Variants in DNMBP observed in about 807,000 individuals in gnomAD.
DNMBP encodes the protein dynamin-binding protein.
In DNMBP, 87 loss-of-function variants were observed where a neutral mutation model predicts 150.0. The observed-to-expected ratio is 0.58, with a 90% CI of 0.49 to 0.69. DNMBP has a LOEUF of 0.69. Ranked by LOEUF, DNMBP falls within the 30% of genes least tolerant of loss-of-function variation. The pLI is 0.00. For synonymous variants in DNMBP, 711 were observed against 750.4 expected, an observed-to-expected ratio of 0.95 and a Z score of 0.86; for missense variants, 1,774 against 1,949.0, an observed-to-expected ratio of 0.91 and a Z score of 1.69.
At chr10:99,880,869 A>T (rs758920473) in intron 15 of DNMBP, among the ~76,000 whole-genome samples, 53 of 152,130 alleles carry the variant, frequency 3.5e-4, no homozygotes, top group Non-Finnish European at 3.4e-4. Context: ...GGAAGCTGAG[A>T]TGAGAGGATT....
chr10:99,895,521 G>C (rs549908517), intron 10 of DNMBP, among the ~76,000 whole-genome samples: 1 of 152,178 alleles, frequency 6.6e-6, no homozygotes, highest in African/African-American at 2.4e-5. Context: ...CCTGCATGTG[G>C]TTTCAAAAGA....
In DNMBP at chr10:99,956,429, G is replaced by T. The variant is rs2040496941; in HGVS notation, c.1045C>A (p.Pro349Thr). Residue 349 changes from proline to threonine, a missense_variant, in exon 4 of 17, where the codon CCT (proline) becomes ACT (threonine). Physicochemically the swap from Pro to Thr is conservative, Grantham distance 38. Coordinates refer to ENST00000324109, the MANE Select transcript of DNMBP (RefSeq NM_015221.4). Reference protein sequence around the residue: ...HETSDHEAEEPDCIISEAPTS... With the variant: ...HETSDHEAEETDCIISEAPTS... ...GGTGCTTCAGAAATAATGCAGTCAG[G>T]CTCCTCGGCCTCATGGTCACTGGTT... 6.2e-7 allele frequency: 1 copy of T among 1,613,880 alleles called. No homozygotes were observed. Among genetic ancestry groups the T allele is most frequent in the Non-Finnish European group, 8.5e-7 (1 of 1,180,002 alleles).
chr10:99,906,598 T>G (rs2039828662), intron 6 of DNMBP, among the ~76,000 whole-genome samples: 1 of 152,110 alleles, frequency 6.6e-6, no homozygotes. Context: ...TGTCTCTCGC[T>G]CTCTCTCACA....
Position 99,915,191 on chromosome 10 carries a change from A to C in DNMBP, c.2261-6045T>G, listed in dbSNP as rs541997040. Reference sequence around the variant, plus strand: ...TACACATATATACATCTACACACATATACACACATATACATATATACATAC... The same window carrying C: ...TACACATATATACATCTACACACATCTACACACATATACATATATACATAC... On this transcript the variant is annotated intron_variant, in intron 4 of 16. Transcript: ENST00000324109. 3.0e-5 allele frequency among the ~76,000 whole-genome samples: 4 copies of C among 134,038 alleles called. No individual in the cohort carries two copies. The Admixed American group carries it at 3.2e-4, about 11-fold the overall frequency. 87.9% of individuals were successfully genotyped at this position (134,038 alleles called of 152,430 possible).
intron 6 of DNMBP, among the ~76,000 whole-genome samples, chr10:99,904,795 T>C (rs141036820): frequency 6.6e-6 from 1 of 152,324 alleles, no homozygotes; most frequent in African/African-American, 2.4e-5. Context: ...TAAATGCAGG[T>C]GCTATCTTAT....
At chr10:99,916,720 A>G (rs2039969011) in intron 4 of DNMBP, among the ~76,000 whole-genome samples, 1 of 152,208 alleles carries the variant, frequency 6.6e-6, no homozygotes, top group South Asian at 2.1e-4. Context: ...ATAGCCCAGA[A>G]GCCTGCTTTT....
At chr10:99,952,834 G>A (rs1269072608) in intron 4 of DNMBP, among the ~76,000 whole-genome samples, 4 of 152,108 alleles carry the variant, frequency 2.6e-5, no homozygotes, top group Non-Finnish European at 5.9e-5. Context: ...AAGGGAGGGA[G>A]GTAGCTATAT....
rs866116978 is a variant in DNMBP at position 99,891,978 on chromosome 10, C to T, written c.3156+2968G>A. On this transcript the variant is annotated intron_variant, in intron 11 of 16. Transcript: ENST00000324109. ...CCGGGAGGTGAGGGGCGCCTCTGCC[C>T]GGCCGCCCCTACTGGGAAGTGAGGA... 2.9e-3 allele frequency among the ~76,000 whole-genome samples: 428 copies of T among 146,138 alleles called. 5 individuals carry two copies. Among genetic ancestry groups the T allele is most frequent in the Middle Eastern group, 0.027 (7 of 258 alleles).
In DNMBP at chr10:99,878,942, G is replaced by A. The variant is rs571867857; in HGVS notation, c.4548+869C>T. Among the ~76,000 whole-genome samples the A allele has an allele frequency of 6.2e-4, 94 of 151,694 alleles. 1 individual carries two copies. Among genetic ancestry groups the A allele is most frequent in the Non-Finnish European group, 1.2e-3 (84 of 67,928 alleles). On this transcript the variant is annotated intron_variant, in intron 16 of 16. Coordinates refer to ENST00000324109, the MANE Select transcript of DNMBP (RefSeq NM_015221.4). ...TCGAGACCATCCTGGCCAACATAGG[G>A]AAACCCTGTCTCTAATAAAGTAGTC...
intron 6 of DNMBP, among the ~76,000 whole-genome samples, chr10:99,903,484 C>T (rs2039777533): frequency 6.6e-6 from 1 of 152,134 alleles, no homozygotes; most frequent in Non-Finnish European, 1.5e-5. Context: ...AAGTGTGCCC[C>T]ACCATACCTG....
At chr10:99,938,945 G>A (rs561107830) in intron 4 of DNMBP, among the ~76,000 whole-genome samples, 4 of 152,230 alleles carry the variant, frequency 2.6e-5, no homozygotes, top group South Asian at 2.1e-4. Context: ...CCACCTCACC[G>A]TGATGTTTGC....
At chr10:99,997,750 C>T (rs2133384277) in intron 1 of DNMBP, among the ~76,000 whole-genome samples, 1 of 151,574 alleles carries the variant, frequency 6.6e-6, no homozygotes, top group South Asian at 2.1e-4. Flanking sequence ...AGTTCGAGAC[C>T]AGCCTGGGCA....
intron 1 of DNMBP, among the ~76,000 whole-genome samples, chr10:99,987,408 G>A (rs143371414): frequency 4.1e-4 from 63 of 152,176 alleles, no homozygotes; most frequent in African/African-American, 1.4e-3. Context: ...AAAACATTAC[G>A]AAGAGTAGCT....
intron 4 of DNMBP, among the ~76,000 whole-genome samples, chr10:99,941,327 T>C (rs1424820558): frequency 6.6e-6 from 1 of 152,208 alleles, no homozygotes; most frequent in Non-Finnish European, 1.5e-5. Context: ...GATCATATTC[T>C]CCTATACGCC....
chr10:99,880,436 A>C, intron 15 of DNMBP, 75 bp from the exon 16 acceptor site: 1 of 1,439,374 alleles, frequency 6.9e-7, no homozygotes, highest in Non-Finnish European at 9.1e-7. Context: ...ATTGAGAGAA[A>C]AAAAACTGAT....
chr10:99,934,410 G>A (rs1416141989), intron 4 of DNMBP, among the ~76,000 whole-genome samples: 1 of 145,288 alleles, frequency 6.9e-6, no homozygotes, highest in Non-Finnish European at 1.5e-5. Flanking sequence ...CTCCTTGTGT[G>A]GAATAGGGTC....
At chr10:100,002,067 A>C (rs951847768) in intron 1 of DNMBP, among the ~76,000 whole-genome samples, 1 of 152,204 alleles carries the variant, frequency 6.6e-6, no homozygotes, top group Non-Finnish European at 1.5e-5. Flanking sequence ...AATCAAAGCA[A>C]AATGAACATG....
chr10:99,894,522 A>G (rs2133218841), intron 11 of DNMBP, among the ~76,000 whole-genome samples: 1 of 152,328 alleles, frequency 6.6e-6, no homozygotes, highest in Admixed American at 6.5e-5. Flanking sequence ...TGGGAGCTGA[A>G]GTGATCAGAA....
chr10:99,905,080 A>C (rs919871799), intron 6 of DNMBP, among the ~76,000 whole-genome samples: 1 of 152,154 alleles, frequency 6.6e-6, no homozygotes, highest in Non-Finnish European at 1.5e-5. Flanking sequence ...TTCTTAATAC[A>C]AATAAATGAC....
Sources: gnomAD v4.1 joint callset for allele counts (sites outside exome capture counted in the v4.1 genomes callset) on GRCh38, gnomAD v4.1.1 for gene constraint, MANE v1.5 for transcripts, NCBI Gene and HGNC (gene_info 2026-07-23, HGNC 2026-07-21) for gene names.